Variants in CCNY observed in about 807,000 individuals in gnomAD.
CCNY encodes the protein cyclin Y.
Under a neutral mutation model 42.8 loss-of-function variants are expected in CCNY, and 19 were observed. The ratio of observed to expected loss-of-function variants is 0.44; its 90% CI spans 0.31 to 0.65. CCNY has a LOEUF of 0.65. Among genes scored for constraint, CCNY ranks in the 30% least tolerant of loss-of-function variants. The pLI is 0.07. For missense variants in CCNY, 370 were observed against 437.3 expected (o/e 0.85, Z 1.37); for synonymous variants, 165 against 162.7 (o/e 1.01, Z -0.11).
chr10:35,401,128 A>G (rs1837634994), intron 1 of CCNY, among the ~76,000 whole-genome samples: 2 of 152,174 alleles, frequency 1.3e-5, no homozygotes, highest in Admixed American at 6.5e-5. Flanking sequence ...AGCAGTTCCT[A>G]TTTTTTGTAG....
chr10:35,492,459 AT>A (rs111584411), intron 2 of CCNY, among the ~76,000 whole-genome samples: 1,610 of 149,540 alleles, frequency 0.011, 24 homozygotes, highest in African/African-American at 0.037. Flanking sequence ...AATTGGCAGC[AT>A]TTTTTTTTTC....
intron 3 of CCNY, among the ~76,000 whole-genome samples, chr10:35,263,779 TC>T (rs1407499236): frequency 6.6e-6 from 1 of 152,184 alleles, no homozygotes; most frequent in Non-Finnish European, 1.5e-5. Flanking sequence ...GCACAGATCA[TC>T]CCATGGCCTA....
intron 1 of CCNY, among the ~76,000 whole-genome samples, chr10:35,396,207 G>A (rs772158346): frequency 5.3e-5 from 8 of 152,188 alleles, no homozygotes; most frequent in Non-Finnish European, 1.2e-4. Context: ...TGGTAGGATC[G>A]GGGGATCACA....
chr10:35,414,279 C>A (rs1225878811), intron 1 of CCNY, among the ~76,000 whole-genome samples: 1 of 152,156 alleles, frequency 6.6e-6, no homozygotes, highest in African/African-American at 2.4e-5. Context: ...GGGGAGGATC[C>A]CCTTCCAAGA....
chr10:35,568,931 C>A (rs979788482), intron 9 of CCNY, 123 bp from the exon 10 acceptor site: 2 of 682,068 alleles, frequency 2.9e-6, no homozygotes, highest in Non-Finnish European at 5.3e-6. Flanking sequence ...GGCTCTGGGC[C>A]GGAGCTCCAC....
chr10:35,262,471 G>T (rs1437960873), intron 3 of CCNY, among the ~76,000 whole-genome samples: 1 of 151,596 alleles, frequency 6.6e-6, no homozygotes, highest in Non-Finnish European at 1.5e-5. Context: ...CAATTCTCTT[G>T]TCTCTGCCTC....
At position 35,518,078 on chromosome 10, in the gene CCNY, G is replaced by A. The variant is rs142653395; in HGVS notation, c.365+1455G>A. Among the ~76,000 whole-genome samples the A allele has an allele frequency of 5.2e-4, 79 of 152,258 alleles. 1 individual carries two copies. The East Asian group carries it at 0.012, about 23-fold the overall frequency. On this transcript the variant is annotated intron_variant, in intron 4 of 9. Coordinates refer to ENST00000374704, the MANE Select transcript of CCNY (RefSeq NM_145012.6). ...GCACAGTTTCCCATCCTGGGGCAGCGGGAGCTCTTGGGATTCACAGGTGGC... is the reference window on the plus strand; with the variant it reads ...GCACAGTTTCCCATCCTGGGGCAGCAGGAGCTCTTGGGATTCACAGGTGGC...
At chr10:35,460,780 C>T (rs1161061267) in intron 1 of CCNY, among the ~76,000 whole-genome samples, 1 of 152,236 alleles carries the variant, frequency 6.6e-6, no homozygotes, top group Non-Finnish European at 1.5e-5. Flanking sequence ...ACTCCTCACT[C>T]AGTTATTTCC....
intron 5 of CCNY, among the ~76,000 whole-genome samples, chr10:35,526,799 G>A (rs10827512): frequency 0.11 from 16,993 of 152,006 alleles, 1,331 homozygotes; most frequent in East Asian, 0.37. Context: ...CCTTTTATCG[G>A]ATCTTTCCAA....
chr10:35,450,604 C>G (rs1226038850), intron 1 of CCNY, among the ~76,000 whole-genome samples: 2 of 151,996 alleles, frequency 1.3e-5, no homozygotes, highest in African/African-American at 4.8e-5. Flanking sequence ...GGAAGGGCAT[C>G]TTGCGGGTTC....
At chr10:35,250,008 C>T (rs1023496824) in intron 2 of CCNY, among the ~76,000 whole-genome samples, 25 of 152,072 alleles carry the variant, frequency 1.6e-4, no homozygotes, top group Non-Finnish European at 4.4e-5. Flanking sequence ...TCCTGGCTAA[C>T]ATGGTGAAAC....
intron 1 of CCNY, among the ~76,000 whole-genome samples, chr10:35,412,937 A>G (rs1837945808): frequency 7.0e-6 from 1 of 142,570 alleles, no homozygotes; most frequent in South Asian, 2.3e-4. Context: ...TGGGTTGGGG[A>G]TGGCATAATT....
chr10:35,454,846 TC>T (rs1011292673), intron 1 of CCNY, among the ~76,000 whole-genome samples: 7 of 152,202 alleles, frequency 4.6e-5, no homozygotes, highest in Admixed American at 1.3e-4. Context: ...GGCAGTAACT[TC>T]CAACAAACCT....
intron 1 of CCNY, among the ~76,000 whole-genome samples, chr10:35,436,505 C>T (rs545072789): frequency 6.6e-6 from 1 of 152,216 alleles, no homozygotes; most frequent in Non-Finnish European, 1.5e-5. Context: ...AGCTTGGGGC[C>T]CTGCTCCAGG....
intron 1 of CCNY, among the ~76,000 whole-genome samples, chr10:35,346,629 A>T (rs1160615989): frequency 6.6e-6 from 1 of 152,074 alleles, no homozygotes; most frequent in East Asian, 1.9e-4. Context: ...CATTCTATAC[A>T]TTAGGTTTTA....
chr10:35,342,066 A>T (rs937118583), intron 1 of CCNY, among the ~76,000 whole-genome samples: 1 of 152,084 alleles, frequency 6.6e-6, no homozygotes, highest in Non-Finnish European at 1.5e-5. Flanking sequence ...ATATAGGTAC[A>T]TGGTGTTTTG....
chr10:35,499,985 A>C (rs1589162087), intron 2 of CCNY, among the ~76,000 whole-genome samples: 1 of 152,392 alleles, frequency 6.6e-6, no homozygotes, highest in East Asian at 1.9e-4. Context: ...CAGAGCTTCC[A>C]GCCAGACCAT....
intron 1 of CCNY, among the ~76,000 whole-genome samples, chr10:35,439,829 G>T (rs1020088445): frequency 6.6e-6 from 1 of 152,122 alleles, no homozygotes; most frequent in Non-Finnish European, 1.5e-5. Context: ...TTACTGCCAG[G>T]TGGAGACAGA....
intron 3 of CCNY, among the ~76,000 whole-genome samples, chr10:35,309,262 G>A (rs1358054810): frequency 6.6e-6 from 1 of 152,164 alleles, no homozygotes; most frequent in Non-Finnish European, 1.5e-5. Context: ...AGGAAGAATG[G>A]CCCTCCACAT....
Sources: gnomAD v4.1 joint callset for allele counts (sites outside exome capture counted in the v4.1 genomes callset) on GRCh38, gnomAD v4.1.1 for gene constraint, MANE v1.5 for transcripts, NCBI Gene and HGNC (gene_info 2026-07-23, HGNC 2026-07-21) for gene names.